The following LYST variants were observed in gnomAD, a reference collection of about 807,000 sequenced individuals.
LYST encodes lysosomal trafficking regulator.
Under a neutral mutation model 413.6 loss-of-function variants are expected in LYST, and 192 were observed. That is an observed-to-expected ratio of 0.46 (90% CI 0.41 to 0.52). LYST has a LOEUF of 0.52. Ranked by LOEUF, LYST falls within the 20% of genes least tolerant of loss-of-function variation. The probability of loss-of-function intolerance (pLI) is 0.00; values close to 1 mark genes in which losing one functional copy is unlikely to be tolerated. For synonymous variants in LYST, 1,525 were observed against 1,567.3 expected (o/e 0.97, Z 0.64); for missense variants, 3,815 against 4,499.9 (o/e 0.85, Z 4.35).
Position 235,677,603 on chromosome 1 carries a change from A to G in LYST, c.10817T>C (p.Met3606Thr), listed in dbSNP as rs1008955800. Residue 3606 changes from methionine (M) to threonine (T), a missense_variant, in exon 49 of 53, where the codon ATG becomes ACG. Met to Thr is a moderately conservative substitution (Grantham distance 81, BLOSUM62 -1). Transcript: ENST00000389793. ...ACCATAGAGATGTATTTGAGTCTCC[A>G]TTTCTATTTCTGATGGCTGAAATTT... ...FTSSTPSEIE[M>T]ETQIHLYGHT... is the part of the protein sequence containing the mutation. 4.5e-5 allele frequency: 72 copies of G among 1,612,642 alleles called. No individual in the cohort carries two copies. The highest frequency in any genetic ancestry group is 5.9e-5 in the Non-Finnish European group (70 of 1,178,992).
intron 1 of LYST, among the ~76,000 whole-genome samples, chr1:235,850,016 G>GA (rs201016953): frequency 1.3e-4 from 20 of 151,018 alleles, no homozygotes; most frequent in Admixed American, 8.6e-4. Flanking sequence ...CACAGAATTA[G>GA]AAAAAAAAAT....
intron 8 of LYST, among the ~76,000 whole-genome samples, chr1:235,802,603 G>A (rs1309452392): frequency 6.6e-6 from 1 of 152,062 alleles, no homozygotes; most frequent in Non-Finnish European, 1.5e-5. Context: ...CCAGTTTATC[G>A]ATTTCTATTT....
chr1:235,804,159 C>A (rs77934748), intron 7 of LYST, among the ~76,000 whole-genome samples: 1 of 152,088 alleles, frequency 6.6e-6, no homozygotes, highest in Non-Finnish European at 1.5e-5. Context: ...AGGTAAATCA[C>A]CACCATCCCT....
chr1:235,782,136 GT>G (rs1447318219), intron 14 of LYST, 49 bp from the exon 15 acceptor site: 1 of 1,450,086 alleles, frequency 6.9e-7, no homozygotes, highest in South Asian at 1.2e-5. Flanking sequence ...AGGAAGTCTA[GT>G]ACTAAGTATT....
Position 235,880,493 on chromosome 1 carries a change from A to G in LYST, n.454+2694T>C, listed in dbSNP as rs140748042. ...CAGTGACTAAACACATCTTTGCCAC[A>G]CCTAATATGTACAGCAAACCAGAAA... On this transcript the variant is annotated intron_variant and non_coding_transcript_variant, in intron 1 of 11. Transcript: ENST00000465349. Among the ~76,000 whole-genome samples the G allele has an allele frequency of 1.4e-4, 21 of 152,326 alleles. No individual in the cohort carries two copies. In the East Asian group the frequency reaches 4.0e-3, roughly 29 times the overall value.
chr1:235,665,592 A>G (rs1249753642), intron 50 of LYST, among the ~76,000 whole-genome samples: 1 of 141,946 alleles, frequency 7.0e-6, no homozygotes. Flanking sequence ...AGCCTGGGCG[A>G]CAGAGCAGAG....
At position 235,661,732 on chromosome 1, in the gene LYST, T is replaced by C. The variant is rs1658060158; in HGVS notation, c.*1208A>G. 6.5e-6 allele frequency: 1 copy of C among 152,682 alleles called. No homozygotes were observed. The allele number at this position is 152,682 out of a possible 1,614,324, so 9.5% of individuals were successfully genotyped here. ...GGCAGGGATACATATTTTTATCCCA[T>C]GGTAACATATTACTGAGCTTATCTG... On this transcript the variant is annotated 3_prime_UTR_variant, in exon 53 of 53. Transcript: ENST00000389793.
chr1:235,850,799 G>A (rs915379647), intron 1 of LYST, among the ~76,000 whole-genome samples: 6 of 152,184 alleles, frequency 3.9e-5, no homozygotes, highest in Middle Eastern at 3.4e-3. Flanking sequence ...AATGATCAGG[G>A]GAATGCAAAT....
chr1:235,870,189 G>A (rs1680866234), upstream of LYST, among the ~76,000 whole-genome samples: 1 of 152,132 alleles, frequency 6.6e-6, no homozygotes, highest in Non-Finnish European at 1.5e-5. Flanking sequence ...ATTGGTGAGA[G>A]TTGACACAGT....
At chr1:235,845,312 A>C (rs1219169092) in intron 1 of LYST, among the ~76,000 whole-genome samples, 1 of 152,206 alleles carries the variant, frequency 6.6e-6, no homozygotes, top group Non-Finnish European at 1.5e-5. Context: ...ACAGGGGTAG[A>C]GAATGCAGCA....
intron 1 of LYST, among the ~76,000 whole-genome samples, chr1:235,837,349 C>T (rs771416000): frequency 5.3e-5 from 8 of 152,056 alleles, no homozygotes; most frequent in Non-Finnish European, 1.0e-4. Context: ...AGAAAGCTGG[C>T]GGGTGCAGTG....
chr1:235,738,005 T>C (rs1277675967), intron 31 of LYST: 3 of 1,493,666 alleles, frequency 2.0e-6, no homozygotes, highest in South Asian at 1.3e-5. Flanking sequence ...CTCTCAAGTA[T>C]ACGCTCAAGG....
chr1:235,838,007 C>G (rs1211869375), intron 1 of LYST, among the ~76,000 whole-genome samples: 1 of 151,818 alleles, frequency 6.6e-6, no homozygotes, highest in Non-Finnish European at 1.5e-5. Context: ...ACGAAGAAGA[C>G]CAACATACAA....
rs1439947110 is a variant in LYST at position 235,759,473 on chromosome 1, C to T, written c.6380G>A (p.Cys2127Tyr). ...AATATTTTGTAACCTGTCGATACTA[C>T]AACCCAAACTTCCAGTCAGTTTTTG... ...QSQKLTGSLG[C>Y]SIDRLQNIAD... The change falls in exon 23 of 53, where the codon TGT becomes TAT. Residue 2127 changes from cysteine (C) to tyrosine (Y), a missense_variant. Cys to Tyr is a radical substitution (Grantham distance 194). Coordinates refer to ENST00000389793, the MANE Select transcript of LYST (RefSeq NM_000081.4). 3.1e-6 allele frequency: 5 copies of T among 1,613,938 alleles called. No individual in the cohort carries two copies. The highest frequency in any genetic ancestry group is 4.2e-6 in the Non-Finnish European group (5 of 1,179,992).
intron 38 of LYST, 131 bp from the exon 39 acceptor site, chr1:235,724,311 G>T: frequency 1.4e-6 from 1 of 723,080 alleles, no homozygotes; most frequent in Non-Finnish European, 2.3e-6. Flanking sequence ...AAGATTACCT[G>T]AAAACTCTCC....
At chr1:235,806,856 C>T (rs1672902264) in intron 5 of LYST, 84 bp from the exon 6 acceptor site, 1 of 895,202 alleles carries the variant, frequency 1.1e-6, no homozygotes, top group Non-Finnish European at 1.8e-6. Context: ...TAATATATCG[C>T]TATTGCATGT....
chr1:235,670,000 CTAT>C (rs1658801436), intron 50 of LYST, among the ~76,000 whole-genome samples: 1 of 152,140 alleles, frequency 6.6e-6, no homozygotes, highest in African/African-American at 2.4e-5. Context: ...GTGAACACAA[CTAT>C]GTCAGAAATA....
intron 31 of LYST, 108 bp downstream of exon 31, chr1:235,741,314 T>C (rs932041793): frequency 1.0e-6 from 1 of 1,004,106 alleles, no homozygotes; most frequent in African/African-American, 1.6e-5. Flanking sequence ...AAGAAAATTA[T>C]ATTTATAAAT....
intron 19 of LYST, among the ~76,000 whole-genome samples, chr1:235,771,917 G>GTTTTTTTTTTTTT (rs1215590592): frequency 6.2e-4 from 45 of 72,664 alleles, no homozygotes; most frequent in African/African-American, 1.1e-3. Flanking sequence ...TTTTTAGTTT[G>GTTTTTTTTTTTTT]TTTTTTTTTT....
Sources: allele counts gnomAD v4.1 joint callset (sites outside exome capture counted in the v4.1 genomes callset), GRCh38; gene constraint gnomAD v4.1.1; transcripts MANE v1.5; gene names NCBI Gene and HGNC (gene_info 2026-07-23, HGNC 2026-07-21).